The following RNF135 variants were observed in gnomAD, a reference collection of about 807,000 sequenced individuals.
The protein encoded by RNF135 is ring finger protein 135, also known as E3 ubiquitin-protein ligase RNF135.
RNF135 carries 46 observed loss-of-function variants against 41.9 expected under a neutral mutation model. The ratio of observed to expected loss-of-function variants is 1.10; its 90% CI spans 0.87 to 1.40. The LOEUF (loss-of-function observed/expected upper bound fraction) is 1.40. RNF135 is among the 40% of genes most tolerant of loss of function. RNF135 has a pLI of 0.00. For missense variants in RNF135, 539 were observed against 549.8 expected (o/e 0.98, Z 0.20); for synonymous variants, 238 against 223.8 (o/e 1.06, Z -0.57).
upstream of RNF135, among the ~76,000 whole-genome samples, chr17:30,966,154 G>A (rs762798997): frequency 6.6e-6 from 1 of 151,938 alleles, no homozygotes; most frequent in Non-Finnish European, 1.5e-5. Context: ...TTTTAGGGAG[G>A]GACTATTATC....
intron 1 of RNF135, among the ~76,000 whole-genome samples, chr17:30,980,009 G>T (rs1194518780): frequency 1.9e-4 from 23 of 118,942 alleles, no homozygotes; most frequent in Non-Finnish European, 3.3e-4. Context: ...CTCCCTCCCG[G>T]ACGGGGCGGC....
the RNF135 span, among the ~76,000 whole-genome samples, chr17:30,961,225 A>G: frequency 1.3e-5 from 2 of 152,188 alleles, no homozygotes; most frequent in Non-Finnish European, 2.9e-5. Context: ...CATACATACA[A>G]CAGTCCCCAG....
chr17:30,964,250 G>A, the RNF135 span, among the ~76,000 whole-genome samples: 35 of 151,942 alleles, frequency 2.3e-4, no homozygotes, highest in Admixed American at 2.2e-3. Flanking sequence ...TTAGCTGGGC[G>A]TGGTGGTATG....
intron 4 of RNF135, 67 bp from the exon 5 acceptor site, chr17:30,998,595 A>G: frequency 6.7e-7 from 1 of 1,499,924 alleles, no homozygotes; most frequent in Non-Finnish European, 9.2e-7. Flanking sequence ...CTATTTGAAG[A>G]CTTCTTAGCA....
At position 30,999,732 on chromosome 17, in the gene RNF135, C is replaced by T. The variant is rs142919195; in HGVS notation, c.*541C>T. On this transcript the variant is annotated 3_prime_UTR_variant, in exon 5 of 5. Coordinates refer to ENST00000328381, the MANE Select transcript of RNF135 (RefSeq NM_032322.4). ...GGGTGAGCTACTCTGGTTGGTAATA[C>T]TCTGTGCACACATCATTGTAGCCAC... is the stretch of plus-strand genomic sequence containing the variant. 57 of 166,348 alleles carry T rather than the reference C, an allele frequency of 3.4e-4. No individual in the cohort carries two copies. Among genetic ancestry groups the T allele is most frequent in the African/African-American group, 1.3e-3 (54 of 41,836 alleles). 10.3% of individuals were successfully genotyped at this position (166,348 alleles called of 1,614,324 possible).
At chr17:30,971,631 A>G in intron 1 of RNF135, 186 bp downstream of exon 1, 1 of 1,353,204 alleles carries the variant, frequency 7.4e-7, no homozygotes. Context: ...GAAGTAGAAA[A>G]AAACAAATTC....
At chr17:30,979,468 G>A (rs1197983263) in intron 1 of RNF135, among the ~76,000 whole-genome samples, 1 of 110,178 alleles carries the variant, frequency 9.1e-6, no homozygotes, top group Non-Finnish European at 1.9e-5. Flanking sequence ...CCTCCCGGAC[G>A]GGGCGGCCGG....
At chr17:30,963,379 G>A in the RNF135 span, among the ~76,000 whole-genome samples, 1 of 151,890 alleles carries the variant, frequency 6.6e-6, no homozygotes. Flanking sequence ...TCAGGAGATC[G>A]AGACCATCCT....
At chr17:30,971,544 T>G in intron 1 of RNF135, 99 bp downstream of exon 1, 2 of 1,380,030 alleles carry the variant, frequency 1.4e-6, no homozygotes, top group Middle Eastern at 2.7e-4. Flanking sequence ...GCCGTTCTAC[T>G]TTTACGTTCC....
rs772902269 is a variant in RNF135, at chr17:30,984,637, C to T, written c.393C>T (p.Ile131=). The T allele has an allele frequency of 3.7e-6, 6 of 1,614,170 alleles. No homozygotes were observed. Among genetic ancestry groups the T allele is most frequent in the East Asian group, 2.2e-5 (1 of 44,886 alleles). ...ELQRVAVEKS[I]TEVAQELTEL... ...TGAAGGTGGCAGTAGAGAAGAGCATCACAGAAGTTGCTCAGGAGCTGACAG... is the reference window on the plus strand; with the variant it reads ...TGAAGGTGGCAGTAGAGAAGAGCATTACAGAAGTTGCTCAGGAGCTGACAG... The change falls in exon 2 of 5, where the codon ATC becomes ATT. Residue 131 remains isoleucine (I), a synonymous_variant. Coordinates refer to ENST00000328381, the MANE Select transcript of RNF135 (RefSeq NM_032322.4).
In RNF135 at chr17:30,991,881, ATTTATCT is replaced by A. The variant is rs532983684; in HGVS notation, c.679+3781_679+3787del. ...TCCTTAATATGTCATTTGTCTTTTTATTTATCTTTTATGGGTTTTATAATGCCATATA... is the reference window on the plus strand; with the variant it reads ...TCCTTAATATGTCATTTGTCTTTTTATTTATGGGTTTTATAATGCCATATA... On this transcript the variant is annotated intron_variant, in intron 3 of 4. Coordinates refer to ENST00000328381, the MANE Select transcript of RNF135 (RefSeq NM_032322.4). 1.9e-4 allele frequency among the ~76,000 whole-genome samples: 29 copies of A among 150,600 alleles called. No individual in the cohort carries two copies. The South Asian group carries it at 3.8e-3, about 20-fold the overall frequency.
At chr17:30,997,405 C>A in intron 4 of RNF135, 74 bp downstream of exon 4, 2 of 1,243,464 alleles carry the variant, frequency 1.6e-6, no homozygotes, top group Non-Finnish European at 2.4e-6. Flanking sequence ...CTACATCCAT[C>A]TCCCTACTGC....
upstream of RNF135, among the ~76,000 whole-genome samples, chr17:30,968,101 C>A (rs546881211): frequency 1.3e-5 from 2 of 151,784 alleles, no homozygotes; most frequent in African/African-American, 4.8e-5. Context: ...GAAACCCTGT[C>A]AACATGGGGA....
At chr17:30,970,926 A>G, upstream of RNF135, 1 of 1,120,530 alleles carries the variant, frequency 8.9e-7, no homozygotes, top group Non-Finnish European at 1.3e-6. Context: ...GCAGGATCGG[A>G]GGAAGGAGAC....
At chr17:30,971,512 G>T in intron 1 of RNF135, 67 bp downstream of exon 1, 3 of 1,416,418 alleles carry the variant, frequency 2.1e-6, no homozygotes, top group Non-Finnish European at 2.7e-6. Context: ...CCTTTCCCAT[G>T]TGGCTCGAAC....
In RNF135 at chr17:30,971,438, T is replaced by G. The variant is rs1263369008; in HGVS notation, c.365T>G (p.Leu122Arg). ...GCGAGGCCCCGGCGCCGCCCGGAAC[T>G]GCAGCGGGTAGGGAGGCCGGGCCCG... ...AAARPRRRPE[L>R]QRVAVEKSIT... The change falls in exon 1 of 5, where the codon CTG becomes CGG. Residue 122 changes from leucine (L) to arginine (R), a missense_variant. Around this residue, in one of 2 missense-constraint regions of RNF135, gnomAD observed 277 missense variants for 212.8 expected, o/e 1.30. Coordinates refer to ENST00000328381, the MANE Select transcript of RNF135 (RefSeq NM_032322.4). 5 of 1,511,216 alleles carry G rather than the reference T, an allele frequency of 3.3e-6. No individual in the cohort carries two copies. In the African/African-American group the frequency reaches 7.2e-5, roughly 22 times the overall value. The allele number at this position is 1,511,216 out of a possible 1,614,324, so 93.6% of individuals were successfully genotyped here.
At chr17:30,983,993 C>T (rs1907410907) in intron 1 of RNF135, among the ~76,000 whole-genome samples, 1 of 152,070 alleles carries the variant, frequency 6.6e-6, no homozygotes, top group African/African-American at 2.4e-5. Flanking sequence ...AAACAAGCGG[C>T]AGTGATATGT....
rs1479387324 is a variant in RNF135, at chr17:30,971,185, C to A, written c.112C>A (p.His38Asn). ...LDWPATLPCG[H>N]SFCRHCLEAL... The stretch of plus-strand genomic sequence containing the variant: ...CTGGCCCGCCACGCTGCCCTGCGGC[C>A]ACAGCTTCTGCCGCCACTGCCTGGA... The change falls in exon 1 of 5, where the codon CAC becomes AAC. Residue 38 changes from histidine (H) to asparagine (N), a missense_variant. By Grantham distance (68) the His-to-Asn change is moderately conservative (BLOSUM62 1). This residue lies in a region of RNF135 where 277 missense variants were observed against 212.8 expected (regional missense o/e 1.30). Transcript: ENST00000328381. 2.0e-6 allele frequency: 3 copies of A among 1,526,224 alleles called. No homozygotes were observed. The highest frequency in any genetic ancestry group is 2.6e-6 in the Non-Finnish European group (3 of 1,143,010). The allele number at this position is 1,526,224 out of a possible 1,614,324, so 94.5% of individuals were successfully genotyped here. A position where few individuals can be genotyped will look rare whatever the true frequency, so the allele number is the denominator to read the frequency against.
rs1475296653 is a variant in RNF135 at position 30,999,355 on chromosome 17, C to T, written c.*164C>T. The T allele has an allele frequency of 1.4e-6, 1 of 735,138 alleles. No homozygotes were observed. Among genetic ancestry groups the T allele is most frequent in the Non-Finnish European group, 2.3e-6 (1 of 438,200 alleles). The allele number at this position is 735,138 out of a possible 1,614,324, so 45.5% of individuals were successfully genotyped here. A position where few individuals can be genotyped will look rare whatever the true frequency, so the allele number is the denominator to read the frequency against. ...TGTCGAATTCCTGGTCTCAAGCAGT[C>T]CTCCCACCTCAGCCTCCCAAGGTGC... On this transcript the variant is annotated 3_prime_UTR_variant, in exon 5 of 5. Coordinates refer to ENST00000328381, the MANE Select transcript of RNF135 (RefSeq NM_032322.4).
Sources: gnomAD v4.1 joint callset for allele counts (sites outside exome capture counted in the v4.1 genomes callset) on GRCh38, gnomAD v4.1.1 for gene constraint, gnomAD v4.1.1 regional missense constraint, MANE v1.5 for transcripts, NCBI Gene and HGNC (gene_info 2026-07-23, HGNC 2026-07-21) for gene names.